The following COX6C variants were observed in gnomAD, a reference collection of about 807,000 sequenced individuals.
The protein encoded by COX6C is cytochrome c oxidase polypeptide VIc.
A neutral mutation model predicts 6.9 loss-of-function variants in COX6C; 3 were observed. The observed-to-expected ratio is 0.43, with a 90% CI of 0.20 to 1.12. The LOEUF is 1.12. Among genes scored for constraint, COX6C ranks in the 50% most tolerant of loss-of-function variants. The probability of loss-of-function intolerance (pLI) is 0.27; values close to 1 mark genes in which losing one functional copy is unlikely to be tolerated. For synonymous variants in COX6C, 32 were observed against 32.0 expected (o/e 1.00, Z 0.00); for missense variants, 101 against 97.3 (o/e 1.04, Z -0.16).
At chr8:99,881,459 A>G (rs892079910) in intron 3 of COX6C, among the ~76,000 whole-genome samples, 1 of 152,224 alleles carries the variant, frequency 6.6e-6, no homozygotes, top group Admixed American at 6.5e-5. Flanking sequence ...GTCCATGTTA[A>G]TGGATACATA....
At chr8:99,884,318 C>G (rs1817911058) in intron 3 of COX6C, among the ~76,000 whole-genome samples, 1 of 151,920 alleles carries the variant, frequency 6.6e-6, no homozygotes, top group Non-Finnish European at 1.5e-5. Flanking sequence ...TTCTACACAC[C>G]AACAATGAAG....
rs11555138 is a variant in COX6C at position 99,892,013 on chromosome 8, G to A, written c.9C>T (p.Pro3=). Residue 3 remains proline, a synonymous_variant, in exon 2 of 4, where the codon CCC becomes CCT. Coordinates refer to ENST00000520468, the MANE Select transcript of COX6C (RefSeq NM_004374.4). ...GCATCCGAGGTTTTGGCAAAACTTC[G>A]GGAGCCATGGTAGTTACTGTCCTTG... is the stretch of plus-strand genomic sequence containing the variant. MA[P]EVLPKPRMRG... is the part of the protein sequence containing the mutation. 13,770 of 1,612,046 alleles carry A rather than the reference G, an allele frequency of 8.5e-3. 70 individuals carry two copies. The highest frequency in any genetic ancestry group is 0.012 in the Middle Eastern group (71 of 6,054).
At position 99,893,680 on chromosome 8, in the gene COX6C, G is replaced by A. The variant is rs1271792500; in HGVS notation, c.-73C>T. 2.6e-5 allele frequency: 4 copies of A among 152,282 alleles called. No individual in the cohort carries two copies. Among genetic ancestry groups the A allele is most frequent in the Admixed American group, 2.0e-4 (3 of 15,276 alleles). 9.4% of individuals were successfully genotyped at this position (152,282 alleles called of 1,614,324 possible). On this transcript the variant is annotated 5_prime_UTR_variant, in exon 1 of 4. In the 5' UTR this introduces an upstream ATG that the reference lacks. Transcript: ENST00000520468. ...TTCCTGACTAAAGGAAAAACGAACC[G>A]TGCTGTAGCCGCGCGCAGGCGCAGA...
chr8:99,888,616 G>A (rs1817982602), intron 2 of COX6C, among the ~76,000 whole-genome samples: 1 of 152,092 alleles, frequency 6.6e-6, no homozygotes, highest in African/African-American at 2.4e-5. Flanking sequence ...AAGTGCTGGG[G>A]GCCATCATTA....
At chr8:99,881,387 A>G (rs1451422551) in intron 3 of COX6C, among the ~76,000 whole-genome samples, 2 of 152,096 alleles carry the variant, frequency 1.3e-5, no homozygotes, top group Non-Finnish European at 2.9e-5. Context: ...ATTGGTTTGT[A>G]AATTCATTTT....
intron 3 of COX6C, among the ~76,000 whole-genome samples, chr8:99,880,841 AC>A (rs1346218406): frequency 3.3e-5 from 5 of 152,178 alleles, no homozygotes; most frequent in Non-Finnish European, 7.3e-5. Context: ...AAAAAAACAA[AC>A]AAAACACCTG....
At chr8:99,887,455 ATTT>A (rs766072054) in intron 3 of COX6C, 32 bp downstream of exon 3, 1 of 1,297,560 alleles carries the variant, frequency 7.7e-7, no homozygotes, top group African/African-American at 1.6e-5. Flanking sequence ...ACAATTAGAA[ATTT>A]TTTTTTAAGT....
At chr8:99,892,872 G>T (rs1168364529) in intron 1 of COX6C, 1 of 152,170 alleles carries the variant, frequency 6.6e-6, no homozygotes, top group East Asian at 1.9e-4. Flanking sequence ...CTGTCCACTC[G>T]TTAAACCTTC....
intron 3 of COX6C, among the ~76,000 whole-genome samples, chr8:99,881,277 T>C (rs57396917): frequency 6.6e-6 from 1 of 152,016 alleles, no homozygotes; most frequent in Admixed American, 6.6e-5. Context: ...TGAGAATTGC[T>C]TGAACCCACG....
Position 99,887,497 on chromosome 8 carries a change from T to C in COX6C, c.*8A>G. 1.3e-6 allele frequency: 2 copies of C among 1,562,252 alleles called. No homozygotes were observed. The highest frequency in any genetic ancestry group is 1.7e-6 in the Non-Finnish European group (2 of 1,156,104). ...TTCAAATAACCATATTACCTTTATA[T>C]TCCAAGATTACTTTACACTCTGAAA... On this transcript the variant is annotated 3_prime_UTR_variant, in exon 3 of 4. Coordinates refer to ENST00000520468, the MANE Select transcript of COX6C (RefSeq NM_004374.4).
chr8:99,886,752 C>A (rs539624388), intron 3 of COX6C, among the ~76,000 whole-genome samples: 1 of 152,304 alleles, frequency 6.6e-6, no homozygotes, highest in Admixed American at 6.5e-5. Flanking sequence ...AAGCCAGTCA[C>A]AAGAAAACAA....
intron 3 of COX6C, among the ~76,000 whole-genome samples, chr8:99,882,240 A>G (rs1057213283): frequency 6.6e-6 from 1 of 152,200 alleles, no homozygotes; most frequent in Non-Finnish European, 1.5e-5. Flanking sequence ...AATCAACTGG[A>G]CTTAACAAAA....
At chr8:99,881,232 C>T (rs1044160480) in intron 3 of COX6C, among the ~76,000 whole-genome samples, 2 of 151,918 alleles carry the variant, frequency 1.3e-5, no homozygotes, top group Non-Finnish European at 2.9e-5. Context: ...CAGTGGGGTG[C>T]ATCTGTAATT....
At chr8:99,893,608 G>C (rs1818094527) in intron 1 of COX6C, 31 bp downstream of exon 1, 3 of 152,322 alleles carry the variant, frequency 2.0e-5, no homozygotes, top group Non-Finnish European at 4.4e-5. Context: ...CCGCAGTGTC[G>C]GGGTAGGGAT....
At chr8:99,882,144 G>A (rs994240343) in intron 3 of COX6C, among the ~76,000 whole-genome samples, 3 of 152,006 alleles carry the variant, frequency 2.0e-5, no homozygotes, top group Admixed American at 2.0e-4. Context: ...TAGCAGTAGA[G>A]GACTTCAATA....
intron 3 of COX6C, among the ~76,000 whole-genome samples, chr8:99,883,146 A>T (rs2131003683): frequency 6.6e-6 from 1 of 152,246 alleles, no homozygotes; most frequent in African/African-American, 2.4e-5. Flanking sequence ...GAACGTCTAT[A>T]ACTAGTAGGA....
rs1426907971 is a variant in COX6C, at chr8:99,878,241, C to A, written c.*40G>T. 6.6e-6 allele frequency: 1 copy of A among 152,200 alleles called. No individual in the cohort carries two copies. The highest frequency in any genetic ancestry group is 1.5e-5 in the Non-Finnish European group (1 of 68,044). 9.4% of individuals were successfully genotyped at this position (152,200 alleles called of 1,614,324 possible). On this transcript the variant is annotated 3_prime_UTR_variant, in exon 4 of 4. Transcript: ENST00000520468. ...AGGAACACAAGTCAGTGACAAACTT[C>A]TAGGTAATTCAACCTGAAGAAATTC... is the stretch of plus-strand genomic sequence containing the variant.
intron 2 of COX6C, among the ~76,000 whole-genome samples, chr8:99,889,782 G>A (rs1300350477): frequency 6.6e-6 from 1 of 151,244 alleles, no homozygotes; most frequent in Non-Finnish European, 1.5e-5. Flanking sequence ...GGCACATCAT[G>A]TATTTTTGTA....
In COX6C at chr8:99,877,960, T is replaced by C. The variant is rs1047754208; in HGVS notation, c.*321A>G. 2 of 152,176 alleles carry C rather than the reference T, an allele frequency of 1.3e-5. No individual in the cohort carries two copies. Among genetic ancestry groups the C allele is most frequent in the Non-Finnish European group, 2.9e-5 (2 of 68,036 alleles). 9.4% of individuals were successfully genotyped at this position (152,176 alleles called of 1,614,324 possible). ...CTCATGAAGAACACTTTTTAATCCATAGCCCAAGACCAAGTAACTGCAATG... is the reference window on the plus strand; with the variant it reads ...CTCATGAAGAACACTTTTTAATCCACAGCCCAAGACCAAGTAACTGCAATG... On this transcript the variant is annotated 3_prime_UTR_variant, in exon 4 of 4. Transcript: ENST00000520468.
Sources: gnomAD v4.1 joint callset for allele counts (sites outside exome capture counted in the v4.1 genomes callset) on GRCh38, gnomAD v4.1.1 for gene constraint, MANE v1.5 for transcripts, NCBI Gene and HGNC (gene_info 2026-07-23, HGNC 2026-07-21) for gene names.